The following CDKL1 variants were observed in gnomAD, a reference collection of about 807,000 sequenced individuals.
CDKL1 encodes cyclin-dependent kinase-like 1.
A neutral mutation model predicts 42.0 loss-of-function variants in CDKL1; 41 were observed. The observed-to-expected ratio is 0.98, with a 90% CI of 0.76 to 1.27. The LOEUF (loss-of-function observed/expected upper bound fraction) is 1.27. Ranked by LOEUF, CDKL1 falls within the 50% of genes most tolerant of loss-of-function variation. The probability of loss-of-function intolerance (pLI) is 0.00; values close to 1 mark genes in which losing one functional copy is unlikely to be tolerated. For synonymous variants in CDKL1, 153 were observed against 158.6 expected (o/e 0.96, Z 0.26); for missense variants, 394 against 428.4 (o/e 0.92, Z 0.71).
At chr14:50,362,236 C>T (rs760371146) in intron 2 of CDKL1, 8 of 367,118 alleles carry the variant, frequency 2.2e-5, no homozygotes, top group South Asian at 1.9e-5. Context: ...CCCCCTGCTC[C>T]GCAGCACCCG....
chr14:50,378,466 C>T (rs775969317), intron 2 of CDKL1: 1 of 1,358,118 alleles, frequency 7.4e-7, no homozygotes, highest in Admixed American at 1.9e-5. Context: ...TATGAGAGCA[C>T]TACACTGTCG....
At chr14:50,390,830 T>A (rs1041198036) in intron 2 of CDKL1, among the ~76,000 whole-genome samples, 5 of 152,148 alleles carry the variant, frequency 3.3e-5, no homozygotes, top group Non-Finnish European at 7.4e-5. Flanking sequence ...CATGCCTGAC[T>A]TCTTGATTTT....
At chr14:50,351,835 A>G (rs1474034013) in intron 3 of CDKL1, among the ~76,000 whole-genome samples, 3 of 152,172 alleles carry the variant, frequency 2.0e-5, no homozygotes, top group Non-Finnish European at 4.4e-5. Flanking sequence ...AGGAAAAAGT[A>G]CAAAAGGAAG....
rs766725239 is a variant in CDKL1 at position 50,342,141 on chromosome 14, G to A, written c.445C>T (p.Arg149Trp). ...VIKLCDFGFA[R>W]LLTGPSDYYT... ...AAATGTCAATACTCACTCAAAAGCC[G>A]AGCAAATCCAAAGTCACAAAGCTTA... Residue 149 changes from arginine to tryptophan, a missense_variant, in exon 5 of 10, where the codon CGG becomes TGG. Transcript: ENST00000395834. 9.9e-6 allele frequency: 16 copies of A among 1,613,792 alleles called. No individual in the cohort carries two copies. The highest frequency in any genetic ancestry group is 4.5e-5 in the East Asian group (2 of 44,850).
rs951431635 is a variant in CDKL1, at chr14:50,327,029, G to A, written c.*3045C>T. ...TGCACACCAGCCTGGTAGCCTGGGTGAAAGGGGGAGACCCTGTCTCTTAAA... is the reference window on the plus strand; with the variant it reads ...TGCACACCAGCCTGGTAGCCTGGGTAAAAGGGGGAGACCCTGTCTCTTAAA... On this transcript the variant is annotated 3_prime_UTR_variant, in exon 10 of 10. Coordinates refer to ENST00000395834, the MANE Select transcript of CDKL1 (RefSeq NM_004196.7). 5 of 151,964 alleles carry A rather than the reference G, an allele frequency of 3.3e-5. No homozygotes were observed. The highest frequency in any genetic ancestry group is 3.3e-4 in the Admixed American group (5 of 15,232). 9.4% of individuals were successfully genotyped at this position (151,964 alleles called of 1,614,324 possible).
At chr14:50,372,830 A>G (rs1180123109) in intron 2 of CDKL1, among the ~76,000 whole-genome samples, 1 of 152,108 alleles carries the variant, frequency 6.6e-6, no homozygotes, top group Admixed American at 6.5e-5. Flanking sequence ...ATCAAAGATC[A>G]ATTGACCATT....
In CDKL1 at chr14:50,330,114, C is replaced by T; in HGVS notation, c.1034G>A (p.Cys345Tyr). The part of the protein sequence containing the change: ...LPALDNKKYY[C>Y]DTKKLNYRFP... ...ACGGTAGTTAAGTTTCTTGGTATCA[C>T]AGTAGTACTTCTTATTATCCAAAGC... The change falls in exon 10 of 10, where the codon TGT (cysteine) becomes TAT (tyrosine). Residue 345 changes from cysteine (C) to tyrosine (Y), a missense_variant. By Grantham distance (194) the Cys-to-Tyr change is radical. Transcript: ENST00000395834. 6.2e-7 allele frequency: 1 copy of T among 1,610,318 alleles called. No homozygotes were observed. The highest frequency in any genetic ancestry group is 8.5e-7 in the Non-Finnish European group (1 of 1,179,258).
intron 7 of CDKL1, chr14:50,335,788 A>G (rs1270765056): frequency 3.1e-5 from 31 of 985,274 alleles, no homozygotes; most frequent in Non-Finnish European, 3.7e-5. Context: ...TGCTGTGGCC[A>G]GCTTTCACAG....
intron 2 of CDKL1, among the ~76,000 whole-genome samples, chr14:50,364,238 G>A (rs2034374315): frequency 1.3e-5 from 2 of 152,246 alleles, no homozygotes; most frequent in Admixed American, 1.3e-4. Context: ...GGGAGGCCAA[G>A]GCAGGCGGAT....
chr14:50,371,491 T>C (rs2034588761), intron 2 of CDKL1, among the ~76,000 whole-genome samples: 1 of 152,278 alleles, frequency 6.6e-6, no homozygotes, highest in Non-Finnish European at 1.5e-5. Context: ...GTTGAGCATT[T>C]TTCCATATAT....
At chr14:50,375,107 T>C (rs1399618094) in intron 2 of CDKL1, among the ~76,000 whole-genome samples, 1 of 151,726 alleles carries the variant, frequency 6.6e-6, no homozygotes, top group Non-Finnish European at 1.5e-5. Context: ...TAAAAAAAAT[T>C]AAAAAAAGAA....
chr14:50,376,732 A>G (rs1462631921), intron 2 of CDKL1, among the ~76,000 whole-genome samples: 1 of 152,230 alleles, frequency 6.6e-6, no homozygotes, highest in Non-Finnish European at 1.5e-5. Context: ...TATTATTGTT[A>G]AGAACACTAT....
chr14:50,354,153 C>T (rs1291925377), intron 3 of CDKL1, among the ~76,000 whole-genome samples: 9 of 151,976 alleles, frequency 5.9e-5, no homozygotes, highest in African/African-American at 2.2e-4. Context: ...CGGGGTTTCA[C>T]CATGTTGGCC....
chr14:50,394,550 G>A (rs911255446), intron 2 of CDKL1, among the ~76,000 whole-genome samples: 1 of 152,214 alleles, frequency 6.6e-6, no homozygotes, highest in African/African-American at 2.4e-5. Context: ...AAATGGAGAA[G>A]CAAGAATAAT....
At chr14:50,360,628 G>A (rs1412399335) in intron 2 of CDKL1, among the ~76,000 whole-genome samples, 5 of 151,196 alleles carry the variant, frequency 3.3e-5, no homozygotes, top group African/African-American at 7.3e-5. Flanking sequence ...GGCTGGTCTC[G>A]AACTCCTGAC....
chr14:50,360,754 T>G (rs1164838166), intron 2 of CDKL1, among the ~76,000 whole-genome samples: 2 of 151,090 alleles, frequency 1.3e-5, no homozygotes, highest in Admixed American at 1.3e-4. Context: ...ACTAGGTACC[T>G]CCTACAGGTG....
intron 2 of CDKL1, among the ~76,000 whole-genome samples, chr14:50,390,681 A>G (rs1398737849): frequency 6.6e-6 from 1 of 151,914 alleles, no homozygotes; most frequent in African/African-American, 2.4e-5. Context: ...ATTTGTTTTG[A>G]ACCACATAGC....
At chr14:50,378,176 C>T in intron 2 of CDKL1, 1 of 1,366,246 alleles carries the variant, frequency 7.3e-7, no homozygotes, top group Non-Finnish European at 9.8e-7. Context: ...GCTTCCTTTA[C>T]CTGCAGACCT....
chr14:50,333,773 T>C (rs145690162), intron 8 of CDKL1: 229 of 152,232 alleles, frequency 1.5e-3, no homozygotes, highest in African/African-American at 5.2e-3. Context: ...TATTAACTCA[T>C]TATTTAATAC....
Sources: allele counts gnomAD v4.1 joint callset (sites outside exome capture counted in the v4.1 genomes callset), GRCh38; gene constraint gnomAD v4.1.1; transcripts MANE v1.5; gene names NCBI Gene and HGNC (gene_info 2026-07-23, HGNC 2026-07-21).